The following CSMD1 variants were observed in gnomAD, a reference collection of about 807,000 sequenced individuals.
The protein encoded by CSMD1 is CUB and sushi domain-containing protein 1.
Under a neutral mutation model 417.5 loss-of-function variants are expected in CSMD1, and 213 were observed. That is an observed-to-expected ratio of 0.51 (90% CI 0.46 to 0.57). The LOEUF (loss-of-function observed/expected upper bound fraction) is 0.57. Among genes scored for constraint, CSMD1 ranks in the 20% least tolerant of loss-of-function variants. The pLI, the probability that CSMD1 is intolerant of heterozygous loss-of-function variation, is 0.00. For missense variants in CSMD1, 6,923 were observed against 4,529.7 expected (o/e 1.53, Z -15.17); for synonymous variants, 2,862 against 1,736.8 (o/e 1.65, Z -16.11).
At chr8:3,919,679 G>A (rs745453247) in intron 5 of CSMD1, among the ~76,000 whole-genome samples, 32 of 151,966 alleles carry the variant, frequency 2.1e-4, no homozygotes, top group Non-Finnish European at 2.8e-4. Context: ...AAATGCCATT[G>A]GAATTTTGAT....
chr8:4,007,358 C>G (rs756308207), intron 4 of CSMD1, among the ~76,000 whole-genome samples: 5 of 152,224 alleles, frequency 3.3e-5, no homozygotes, highest in Admixed American at 6.5e-5. Flanking sequence ...CTTTTCCTCA[C>G]TGGGTCTAGC....
At chr8:3,181,004 T>C in intron 37 of CSMD1, 106 bp downstream of exon 37, 1 of 739,910 alleles carries the variant, frequency 1.4e-6, no homozygotes, top group Non-Finnish European at 2.3e-6. Flanking sequence ...TTCACAGTTT[T>C]AGAAAAATAA....
At position 4,884,351 on chromosome 8, in the gene CSMD1, C is replaced by T. The variant is rs568352653; in HGVS notation, c.85+109981G>A. On this transcript the variant is annotated intron_variant, in intron 1 of 69. Transcript: ENST00000635120. ...ATCTTTGTGTTTTCCTGATGATTTC[C>T]TTTGAGGTACAACGTTTAGAGTTTT... Among the ~76,000 whole-genome samples the T allele has an allele frequency of 5.3e-5, 8 of 151,976 alleles. No homozygotes were observed. In the South Asian group the frequency reaches 1.7e-3, roughly 32 times the overall value.
At chr8:3,657,693 C>A (rs763741246) in intron 7 of CSMD1, among the ~76,000 whole-genome samples, 13 of 152,108 alleles carry the variant, frequency 8.5e-5, no homozygotes, top group South Asian at 2.1e-4. Flanking sequence ...CAGGGCCTGT[C>A]AGTGGGTAGG....
chr8:4,777,150 A>G (rs1796895254), intron 1 of CSMD1, among the ~76,000 whole-genome samples: 1 of 152,204 alleles, frequency 6.6e-6, no homozygotes, highest in Non-Finnish European at 1.5e-5. Flanking sequence ...GAGACGGATA[A>G]TTAAACACAG....
chr8:3,444,631 C>A (rs930761800), intron 12 of CSMD1, among the ~76,000 whole-genome samples: 7 of 152,000 alleles, frequency 4.6e-5, no homozygotes, highest in Non-Finnish European at 8.8e-5. Flanking sequence ...CAGGACCGTC[C>A]CTGCCTTAAC....
intron 1 of CSMD1, among the ~76,000 whole-genome samples, chr8:4,821,589 C>A (rs1033923082): frequency 6.6e-6 from 1 of 152,148 alleles, no homozygotes; most frequent in African/African-American, 2.4e-5. Flanking sequence ...GCTCTTCCTA[C>A]AGAGTCTCAT....
rs17067890 is a variant in CSMD1 at position 3,905,826 on chromosome 8, G to C, written c.818+92077C>G. Reference sequence around the variant, plus strand: ...GTAGTTAACAAAGTCCAAACATCTGGGCCTGGCATTCTAGTTCCTTCCGGA... The same window carrying C: ...GTAGTTAACAAAGTCCAAACATCTGCGCCTGGCATTCTAGTTCCTTCCGGA... On this transcript the variant is annotated intron_variant, in intron 5 of 69. Transcript: ENST00000635120. Among the ~76,000 whole-genome samples the C allele has an allele frequency of 2.9e-3, 443 of 152,130 alleles. 4 individuals are homozygous for C. The highest frequency in any genetic ancestry group is 0.022 in the East Asian group (116 of 5,174).
intron 6 of CSMD1, among the ~76,000 whole-genome samples, chr8:3,710,515 G>T (rs1385020055): frequency 6.6e-6 from 1 of 152,134 alleles, no homozygotes; most frequent in African/African-American, 2.4e-5. Flanking sequence ...CATTCAGAGG[G>T]CTGGGCTTAG....
At chr8:4,011,482 C>G (rs1463852703) in intron 4 of CSMD1, among the ~76,000 whole-genome samples, 1 of 152,142 alleles carries the variant, frequency 6.6e-6, no homozygotes, top group Admixed American at 6.5e-5. Flanking sequence ...CTTGTTACAT[C>G]CTCTCTTGAA....
intron 3 of CSMD1, among the ~76,000 whole-genome samples, chr8:4,102,477 C>G (rs921208764): frequency 1.3e-5 from 2 of 152,136 alleles, no homozygotes; most frequent in East Asian, 3.9e-4. Context: ...GATATCAAAT[C>G]TGTCACTTGA....
At chr8:3,897,947 C>A (rs556559257) in intron 5 of CSMD1, among the ~76,000 whole-genome samples, 4 of 152,222 alleles carry the variant, frequency 2.6e-5, no homozygotes, top group African/African-American at 7.2e-5. Context: ...TATATAATCA[C>A]CAAATGAAGA....
At position 3,497,991 on chromosome 8, in the gene CSMD1, G is replaced by C. The variant is rs555901979; in HGVS notation, c.1345-4265C>G. On this transcript the variant is annotated intron_variant, in intron 10 of 69. Transcript: ENST00000635120. ...TTTCTTGTAGGACCATTCCAGTAGT[G>C]ATAAATTTTTATTAGCTTTTCCTCA... 1.8e-4 allele frequency among the ~76,000 whole-genome samples: 28 copies of C among 152,286 alleles called. No individual in the cohort carries two copies. The South Asian group carries it at 3.9e-3, about 21-fold the overall frequency.
chr8:3,384,822 T>G (rs1810888027), intron 18 of CSMD1, among the ~76,000 whole-genome samples: 1 of 123,338 alleles, frequency 8.1e-6, no homozygotes, highest in Non-Finnish European at 1.6e-5. Context: ...AATATATAAT[T>G]AAATAAAATA....
At chr8:3,699,410 G>C (rs1450388317) in intron 7 of CSMD1, among the ~76,000 whole-genome samples, 1 of 152,034 alleles carries the variant, frequency 6.6e-6, no homozygotes, top group Non-Finnish European at 1.5e-5. Context: ...TTGATAATGG[G>C]CACAGTTTTC....
chr8:4,732,062 C>G (rs1006572758), intron 1 of CSMD1, among the ~76,000 whole-genome samples: 2 of 152,132 alleles, frequency 1.3e-5, no homozygotes, highest in Admixed American at 6.5e-5. Flanking sequence ...AGCTTTACAT[C>G]TCTCTTGCTA....
At chr8:4,729,779 T>A (rs1809725184) in intron 1 of CSMD1, among the ~76,000 whole-genome samples, 1 of 152,180 alleles carries the variant, frequency 6.6e-6, no homozygotes, top group Admixed American at 6.5e-5. Context: ...AACACATGGA[T>A]CTATGTATAA....
chr8:3,930,610 G>A (rs1164531349), intron 5 of CSMD1, among the ~76,000 whole-genome samples: 2 of 150,466 alleles, frequency 1.3e-5, no homozygotes, highest in Non-Finnish European at 3.0e-5. Context: ...GGACACAGCA[G>A]TAGGGTGGCC....
chr8:4,760,025 C>A (rs955592632), intron 1 of CSMD1, among the ~76,000 whole-genome samples: 1 of 152,282 alleles, frequency 6.6e-6, no homozygotes, highest in South Asian at 2.1e-4. Context: ...TTACATTCCA[C>A]CAACAGTGTA....
Sources: allele counts gnomAD v4.1 joint callset (sites outside exome capture counted in the v4.1 genomes callset), GRCh38; gene constraint gnomAD v4.1.1; transcripts MANE v1.5; gene names NCBI Gene and HGNC (gene_info 2026-07-23, HGNC 2026-07-21).